The following RDX variants were observed in gnomAD, a reference collection of about 807,000 sequenced individuals.
RDX encodes deafness, autosomal recessive 24.
A neutral mutation model predicts 83.7 loss-of-function variants in RDX; 32 were observed. That is an observed-to-expected ratio of 0.38 (90% CI 0.29 to 0.51). The LOEUF (loss-of-function observed/expected upper bound fraction) is 0.51. Among genes scored for constraint, RDX ranks in the 20% least tolerant of loss-of-function variants. RDX has a pLI of 0.87. For synonymous variants in RDX, 229 were observed against 222.7 expected, an observed-to-expected ratio of 1.03 and a Z score of -0.25; for missense variants, 600 against 689.9, an observed-to-expected ratio of 0.87 and a Z score of 1.46.
At chr11:110,252,989 T>C (rs918680928) in intron 9 of RDX, among the ~76,000 whole-genome samples, 3 of 152,264 alleles carry the variant, frequency 2.0e-5, no homozygotes, top group Non-Finnish European at 2.9e-5. Flanking sequence ...TTCAAACCCA[T>C]ATAAAAAATG....
At chr11:110,253,626 T>C (rs1859425638) in intron 9 of RDX, among the ~76,000 whole-genome samples, 1 of 152,022 alleles carries the variant, frequency 6.6e-6, no homozygotes, top group Non-Finnish European at 1.5e-5. Context: ...ATTCTTACCC[T>C]GAAAAAATTA....
In RDX at chr11:110,264,610, T is replaced by C. The variant is rs552353903; in HGVS notation, c.192+169A>G. ...GCATTTCTTTTTTTTTTTTTTGAGA[T>C]GATAAGCTGATGGTGCCTGATTGAA... On this transcript the variant is annotated intron_variant, in intron 4 of 13. Transcript: ENST00000645495. Among the ~76,000 whole-genome samples the C allele has an allele frequency of 3.9e-3, 598 of 151,530 alleles. 5 individuals carry two copies. The highest frequency in any genetic ancestry group is 6.4e-3 in the Non-Finnish European group (431 of 67,822).
At chr11:110,208,545 TA>T (rs1863688593) in intron 14 of RDX, among the ~76,000 whole-genome samples, 1 of 152,222 alleles carries the variant, frequency 6.6e-6, no homozygotes, top group Non-Finnish European at 1.5e-5. Context: ...TTGGGTGGCT[TA>T]AAAAGCCTTC....
chr11:110,252,638 G>T (rs944129233), intron 9 of RDX, among the ~76,000 whole-genome samples: 3 of 152,142 alleles, frequency 2.0e-5, no homozygotes, highest in Non-Finnish European at 4.4e-5. Context: ...ATGTGTATAA[G>T]AATGTACTGT....
intron 1 of RDX, among the ~76,000 whole-genome samples, chr11:110,284,414 G>GT (rs1208551914): frequency 1.3e-5 from 2 of 151,880 alleles, no homozygotes; most frequent in African/African-American, 2.4e-5. Flanking sequence ...TTTTTTATTT[G>GT]TTTTTTGGTA....
intron 6 of RDX, 42 bp downstream of exon 6, chr11:110,258,064 T>G (rs569917076): frequency 6.6e-7 from 1 of 1,514,968 alleles, no homozygotes; most frequent in Non-Finnish European, 9.1e-7. Context: ...TGAAAATACT[T>G]TGAAGGAAAA....
chr11:110,284,613 C>T (rs186905067), intron 1 of RDX, among the ~76,000 whole-genome samples: 1 of 152,060 alleles, frequency 6.6e-6, no homozygotes, highest in South Asian at 2.1e-4. Flanking sequence ...CTCTGCCTCC[C>T]GGATTTACAC....
At position 110,294,160 on chromosome 11, in the gene RDX, G is replaced by A. The variant is rs568513599; in HGVS notation, c.-65+2307C>T. Among the ~76,000 whole-genome samples, 203 of 152,374 alleles carry A rather than the reference G, an allele frequency of 1.3e-3. 1 individual carries two copies. The highest frequency in any genetic ancestry group is 2.3e-3 in the Non-Finnish European group (158 of 68,040). ...TGTAATCCCAGCACTTTGGGAGGCC[G>A]AGGCGGGCAGAACGCCGGAGGTCCA... On this transcript the variant is annotated intron_variant, in intron 1 of 13. Transcript: ENST00000645495.
intron 15 of RDX, among the ~76,000 whole-genome samples, chr11:110,187,535 C>A: frequency 6.6e-6 from 1 of 152,214 alleles, no homozygotes; most frequent in South Asian, 2.1e-4. Context: ...GGAGCACCCA[C>A]TCACTCTCCT....
intron 15 of RDX, among the ~76,000 whole-genome samples, chr11:110,177,943 G>A (rs1350174492): frequency 4.6e-5 from 7 of 151,486 alleles, no homozygotes; most frequent in African/African-American, 7.3e-5. Flanking sequence ...CCTCATACCC[G>A]CCCAGCACAC....
chr11:110,260,074 C>T (rs1278352289), intron 5 of RDX, among the ~76,000 whole-genome samples: 1 of 151,852 alleles, frequency 6.6e-6, no homozygotes, highest in African/African-American at 2.4e-5. Context: ...GCAAACTCCA[C>T]CTCCCGGGTT....
rs183867684 is a variant in RDX at position 110,186,439 on chromosome 11, T to C, written c.*32-11205A>G. On this transcript the variant is annotated intron_variant, in intron 15 of 15. Coordinates refer to the RDX transcript ENST00000528498. ...GCAATCTTCATCACTCGTTTTTTTT[T>C]CCCCGCAAGATGGTGAATTACAGGC... Among the ~76,000 whole-genome samples, 16 of 151,590 alleles carry C rather than the reference T, an allele frequency of 1.1e-4. No homozygotes were observed. In the East Asian group the frequency reaches 1.7e-3, roughly 16 times the overall value.
At chr11:110,237,225 T>C (rs1864892043) in intron 11 of RDX, among the ~76,000 whole-genome samples, 1 of 151,864 alleles carries the variant, frequency 6.6e-6, no homozygotes, top group African/African-American at 2.4e-5. Flanking sequence ...CTGTCCAATG[T>C]CAAAGTGAAT....
rs1413904773 is a variant in RDX at position 110,230,007 on chromosome 11, A to C, written c.*1862T>G. 3.3e-5 allele frequency: 5 copies of C among 152,692 alleles called. No individual in the cohort carries two copies. The South Asian group carries it at 8.3e-4, about 25-fold the overall frequency. The allele number at this position is 152,692 out of a possible 1,614,324, so 9.5% of individuals were successfully genotyped here. On this transcript the variant is annotated 3_prime_UTR_variant, in exon 14 of 14. Transcript: ENST00000645495. ...AGCATGTGCACAACCATGGTACAAC[A>C]GTCACTTCAAGGTTAACCAGCTATG...
chr11:110,280,533 G>A (rs139112441), intron 1 of RDX, among the ~76,000 whole-genome samples: 139 of 152,352 alleles, frequency 9.1e-4, no homozygotes, highest in Middle Eastern at 3.4e-3. Context: ...ACAGGCATGC[G>A]CCACTGCGCC....
chr11:110,226,179 A>C (rs943350333), downstream of RDX, among the ~76,000 whole-genome samples: 3 of 152,230 alleles, frequency 2.0e-5, no homozygotes, highest in Non-Finnish European at 4.4e-5. Flanking sequence ...TTTGTACACC[A>C]ATGTTCAAAG....
intron 12 of RDX, 150 bp downstream of exon 12, chr11:110,235,949 T>C (rs1223520315): frequency 1.5e-6 from 1 of 651,610 alleles, no homozygotes; most frequent in Non-Finnish European, 2.7e-6. Context: ...ACTTGGTTTA[T>C]ATCTGTAGAT....
At chr11:110,250,533 G>A (rs1859289909) in intron 9 of RDX, among the ~76,000 whole-genome samples, 1 of 152,164 alleles carries the variant, frequency 6.6e-6, no homozygotes, top group African/African-American at 2.4e-5. Context: ...GAGCCTTTCA[G>A]ACCCAGCTCT....
intron 3 of RDX, among the ~76,000 whole-genome samples, chr11:110,270,202 G>A (rs1166042889): frequency 1.6e-5 from 2 of 128,530 alleles, no homozygotes; most frequent in Non-Finnish European, 3.4e-5. Context: ...TTGCATCATC[G>A]TATGAACATC....
Sources: allele counts gnomAD v4.1 joint callset (sites outside exome capture counted in the v4.1 genomes callset), GRCh38; gene constraint gnomAD v4.1.1; transcripts MANE v1.5; gene names NCBI Gene and HGNC (gene_info 2026-07-23, HGNC 2026-07-21).